The following HCN1 variants were observed in gnomAD, a reference collection of about 807,000 sequenced individuals.
The protein encoded by HCN1 is potassium/sodium hyperpolarization-activated cyclic nucleotide-gated channel 1.
In HCN1, 13 loss-of-function variants were observed where a neutral mutation model predicts 78.9. The ratio of observed to expected loss-of-function variants is 0.16; its 90% CI spans 0.11 to 0.26. The LOEUF (loss-of-function observed/expected upper bound fraction) is 0.26, where lower values mean the gene tolerates loss of function less well. HCN1 is among the 10% of genes least tolerant of loss of function. The probability of loss-of-function intolerance (pLI) is 1.00; values close to 1 mark genes in which losing one functional copy is unlikely to be tolerated. For missense variants in HCN1, 810 were observed against 1,154.3 expected, an observed-to-expected ratio of 0.70 and a Z score of 4.32; for synonymous variants, 552 against 455.5, an observed-to-expected ratio of 1.21 and a Z score of -2.70.
At chr5:45,488,694 G>A (rs1741819715) in intron 2 of HCN1, among the ~76,000 whole-genome samples, 1 of 152,270 alleles carries the variant, frequency 6.6e-6, no homozygotes, top group East Asian at 1.9e-4. Context: ...GTCCTACTGA[G>A]AAAGATGTAG....
At chr5:45,277,397 T>A (rs1024248453) in intron 6 of HCN1, among the ~76,000 whole-genome samples, 14 of 152,042 alleles carry the variant, frequency 9.2e-5, no homozygotes, top group Non-Finnish European at 2.1e-4. Context: ...AAATAATCAC[T>A]GTAAAATGAA....
At chr5:45,346,524 G>A (rs1358356787) in intron 5 of HCN1, among the ~76,000 whole-genome samples, 1 of 152,152 alleles carries the variant, frequency 6.6e-6, no homozygotes, top group Non-Finnish European at 1.5e-5. Context: ...AGGACAGTAG[G>A]TGCAGTGCAC....
At chr5:45,453,314 C>T (rs1483225998) in intron 3 of HCN1, among the ~76,000 whole-genome samples, 4 of 151,932 alleles carry the variant, frequency 2.6e-5, no homozygotes, top group Non-Finnish European at 5.9e-5. Context: ...TATTTTATTC[C>T]AATCTGCATC....
chr5:45,505,129 G>A (rs1216425029), intron 2 of HCN1, among the ~76,000 whole-genome samples: 1 of 151,972 alleles, frequency 6.6e-6, no homozygotes, highest in Non-Finnish European at 1.5e-5. Flanking sequence ...GTCAATTTTG[G>A]CTTTTGTTGC....
intron 5 of HCN1, among the ~76,000 whole-genome samples, chr5:45,305,843 GAGGA>G (rs1030922353): frequency 1.4e-4 from 21 of 147,100 alleles, no homozygotes; most frequent in Admixed American, 1.2e-3. Context: ...AGGAGGGAGG[GAGGA>G]AGGAAGGAAG....
chr5:45,684,386 T>C (rs781098911), intron 1 of HCN1, among the ~76,000 whole-genome samples: 3 of 152,196 alleles, frequency 2.0e-5, no homozygotes, highest in Non-Finnish European at 2.9e-5. Flanking sequence ...ACATTAGATA[T>C]ATATCCAGAT....
At chr5:45,307,439 C>A (rs1283323512) in intron 5 of HCN1, among the ~76,000 whole-genome samples, 1 of 152,068 alleles carries the variant, frequency 6.6e-6, no homozygotes, top group Non-Finnish European at 1.5e-5. Flanking sequence ...AAAAACTCCA[C>A]CTCAAGTCAG....
intron 3 of HCN1, among the ~76,000 whole-genome samples, chr5:45,448,238 A>G (rs972624817): frequency 2.0e-5 from 3 of 152,202 alleles, no homozygotes; most frequent in Non-Finnish European, 4.4e-5. Context: ...TTTCTCTAAT[A>G]TATGACCATC....
chr5:45,360,503 TATATAGAAA>T (rs1747088452), intron 4 of HCN1, among the ~76,000 whole-genome samples: 1 of 152,048 alleles, frequency 6.6e-6, no homozygotes, highest in South Asian at 2.1e-4. Flanking sequence ...TAAATTCATA[TATATAGAAA>T]AGCTGGGTAA....
At chr5:45,494,419 T>G (rs1741974617) in intron 2 of HCN1, among the ~76,000 whole-genome samples, 1 of 152,238 alleles carries the variant, frequency 6.6e-6, no homozygotes, top group Non-Finnish European at 1.5e-5. Flanking sequence ...TGTCTGTTCA[T>G]GTCCTTCGCC....
chr5:45,522,884 T>C (rs2111783311), intron 2 of HCN1, among the ~76,000 whole-genome samples: 1 of 152,114 alleles, frequency 6.6e-6, no homozygotes, highest in East Asian at 1.9e-4. Flanking sequence ...ATACTTTAAG[T>C]TTTAGGGTAC....
At position 45,645,024 on chromosome 5, in the gene HCN1, G is replaced by A. The variant is rs182495612; in HGVS notation, c.849+161C>T. On this transcript the variant is annotated intron_variant, in intron 2 of 7. Coordinates refer to ENST00000303230, the MANE Select transcript of HCN1 (RefSeq NM_021072.4). ...TCCATTATTTGATCATATATTTTAG[G>A]GATACAAATATATCACTTATGCATG... 16 of 571,156 alleles carry A rather than the reference G, an allele frequency of 2.8e-5. No individual in the cohort carries two copies. In the East Asian group the frequency reaches 4.0e-4, roughly 14 times the overall value. 35.4% of individuals were successfully genotyped at this position (571,156 alleles called of 1,614,324 possible). A position where few individuals can be genotyped will look rare whatever the true frequency, so the allele number is the denominator to read the frequency against.
chr5:45,627,939 T>A (rs1561225220), intron 2 of HCN1, among the ~76,000 whole-genome samples: 1 of 152,216 alleles, frequency 6.6e-6, no homozygotes, highest in African/African-American at 2.4e-5. Context: ...TCAACAATAC[T>A]CTTAGTTTCT....
intron 4 of HCN1, among the ~76,000 whole-genome samples, chr5:45,354,251 A>G (rs1358628208): frequency 6.6e-6 from 1 of 151,988 alleles, no homozygotes; most frequent in Non-Finnish European, 1.5e-5. Context: ...TTAAAGTTTG[A>G]GAAACAATCC....
chr5:45,532,484 G>T, intron 2 of HCN1, among the ~76,000 whole-genome samples: 1 of 152,112 alleles, frequency 6.6e-6, no homozygotes, highest in Non-Finnish European at 1.5e-5. Context: ...TATAACATAA[G>T]AATCATTTAC....
At chr5:45,349,473 C>T (rs1444411491) in intron 5 of HCN1, among the ~76,000 whole-genome samples, 6 of 151,996 alleles carry the variant, frequency 3.9e-5, no homozygotes, top group African/African-American at 7.2e-5. Context: ...ACTAGAAAAG[C>T]AAGAGCAAAT....
At position 45,261,700 on chromosome 5, in the gene HCN1, A is replaced by T; in HGVS notation, c.*221T>A. ...ATTTAAAGAAAGGAAGACATATAAC[A>T]CTGAATGCTAAACAGGTCTTTTGAC... On this transcript the variant is annotated 3_prime_UTR_variant, in exon 8 of 8. Transcript: ENST00000303230. 2.3e-6 allele frequency: 1 copy of T among 443,508 alleles called. No individual in the cohort carries two copies. The highest frequency in any genetic ancestry group is 3.9e-5 in the East Asian group (1 of 25,646). 27.5% of individuals were successfully genotyped at this position (443,508 alleles called of 1,614,324 possible).
intron 4 of HCN1, among the ~76,000 whole-genome samples, chr5:45,355,347 C>A (rs1746988204): frequency 1.3e-5 from 2 of 151,870 alleles, no homozygotes; most frequent in African/African-American, 4.8e-5. Context: ...TGCCAAACCA[C>A]CAATAGCACT....
At chr5:45,301,362 A>T (rs955476093) in intron 6 of HCN1, among the ~76,000 whole-genome samples, 1 of 151,492 alleles carries the variant, frequency 6.6e-6, no homozygotes, top group Non-Finnish European at 1.5e-5. Context: ...AATATAATAA[A>T]TTATAATAAC....
Sources: allele counts gnomAD v4.1 joint callset (sites outside exome capture counted in the v4.1 genomes callset), GRCh38; gene constraint gnomAD v4.1.1; transcripts MANE v1.5; gene names NCBI Gene and HGNC (gene_info 2026-07-23, HGNC 2026-07-21).